ABHD6: variants seen among roughly 807,000 people sequenced by gnomAD.
The protein encoded by ABHD6 is abhydrolase domain containing 6, acylglycerol lipase.
ABHD6 carries 33 observed loss-of-function variants against 38.8 expected under a neutral mutation model. The ratio of observed to expected loss-of-function variants is 0.85; its 90% CI spans 0.64 to 1.14. The LOEUF (loss-of-function observed/expected upper bound fraction) is 1.14. Ranked by LOEUF, ABHD6 falls within the 50% of genes most tolerant of loss-of-function variation. The pLI is 0.00. For missense variants in ABHD6, 380 were observed against 422.6 expected (o/e 0.90, Z 0.88); for synonymous variants, 147 against 161.6 (o/e 0.91, Z 0.69).
chr3:58,257,820 A>C lies in ABHD6; in HGVS notation c.119+1115A>C, dbSNP rs912025466. ...TCATTAGTAAAGAAGTGACAGAAAG[A>C]AAAAGAAGTTTCCAAAATATGTCAT... On this transcript the variant is annotated intron_variant, in intron 3 of 9. Transcript: ENST00000478253. The surrounding 1 kb of genome is among the most constrained non-coding windows in gnomAD (Gnocchi z 4.8). 1.3e-5 allele frequency among the ~76,000 whole-genome samples: 2 copies of C among 152,248 alleles called. No homozygotes were observed. The highest frequency in any genetic ancestry group is 4.8e-5 in the African/African-American group (2 of 41,468).
chr3:58,283,820 G>T (rs562502312), intron 7 of ABHD6, among the ~76,000 whole-genome samples: 1 of 152,328 alleles, frequency 6.6e-6, no homozygotes, highest in East Asian at 1.9e-4. Flanking sequence ...GACACAAGAT[G>T]AATAGATATG....
In ABHD6 at chr3:58,293,977, A is replaced by G. The variant is rs978676588; in HGVS notation, c.*212A>G. ...GATATTTTTCACAAAATAGAAACTC[A>G]TATGGAACAAAATAAGAAACCCCAG... On this transcript the variant is annotated 3_prime_UTR_variant, in exon 10 of 10. Transcript: ENST00000478253. The surrounding 1 kb of genome is among the most constrained non-coding windows in gnomAD (Gnocchi z 4.4). 4 of 467,552 alleles carry G rather than the reference A, an allele frequency of 8.6e-6. No individual in the cohort carries two copies. Among genetic ancestry groups the G allele is most frequent in the Non-Finnish European group, 1.1e-5 (3 of 269,556 alleles). 29.0% of individuals were successfully genotyped at this position (467,552 alleles called of 1,614,324 possible).
rs1331269719 is a variant in ABHD6, at chr3:58,251,048, A to G, written c.-26+1106A>G. On this transcript the variant is annotated intron_variant, in intron 2 of 9. Coordinates refer to ENST00000478253, the MANE Select transcript of ABHD6 (RefSeq NM_001320126.2). The surrounding 1 kb of genome is among the most constrained non-coding windows in gnomAD (Gnocchi z 5.4). ...AGAAATCAGTAAGTCGGCTAGGTGC[A>G]GAAGCTTGCGCCTGTAATCCCAGCA... Among the ~76,000 whole-genome samples, 1 of 152,136 alleles carries G rather than the reference A, an allele frequency of 6.6e-6. No individual in the cohort carries two copies. The highest frequency in any genetic ancestry group is 1.5e-5 in the Non-Finnish European group (1 of 68,026).
At chr3:58,243,150 T>C (rs2097424035) in intron 1 of ABHD6, among the ~76,000 whole-genome samples, 1 of 152,208 alleles carries the variant, frequency 6.6e-6, no homozygotes, top group African/African-American at 2.4e-5. Context: ...GTTCCAAGTC[T>C]TTGCTATTGT....
intron 1 of ABHD6, among the ~76,000 whole-genome samples, chr3:58,247,643 C>T (rs1392247405): frequency 6.6e-6 from 1 of 152,156 alleles, no homozygotes; most frequent in Admixed American, 6.5e-5. Context: ...ATGGCACAGT[C>T]TCGGCTCATT....
chr3:58,275,292 T>C (rs1237774436), intron 7 of ABHD6, among the ~76,000 whole-genome samples: 1 of 146,998 alleles, frequency 6.8e-6, no homozygotes, highest in African/African-American at 2.5e-5. Context: ...TCAGAGATAC[T>C]CAATTGAAAA....
At chr3:58,246,284 C>T (rs770608787) in intron 1 of ABHD6, among the ~76,000 whole-genome samples, 1 of 152,212 alleles carries the variant, frequency 6.6e-6, no homozygotes, top group Non-Finnish European at 1.5e-5. Flanking sequence ...AGACTATCAC[C>T]ACAGCCCCCA....
Position 58,285,285 on chromosome 3 carries a change from C to G in ABHD6, c.737-68C>G, listed in dbSNP as rs1299436775. ...GGTGGCCTGGATCTGGTGACTATCC[C>G]TTGATTCTGCGGTGGTGCCACAGGC... On this transcript the variant is annotated intron_variant, in intron 8 of 9. Transcript: ENST00000478253. This position sits in a 1 kb window ranked among gnomAD's most constrained non-coding sequence, Gnocchi z 4.9. 4 of 1,558,478 alleles carry G rather than the reference C, an allele frequency of 2.6e-6. No homozygotes were observed. Among genetic ancestry groups the G allele is most frequent in the Non-Finnish European group, 3.5e-6 (4 of 1,129,976 alleles).
In ABHD6 at chr3:58,267,908, C is replaced by T. The variant is rs1445663836; in HGVS notation, c.276+563C>T. 2.6e-5 allele frequency among the ~76,000 whole-genome samples: 4 copies of T among 151,632 alleles called. No individual in the cohort carries two copies. In the South Asian group the frequency reaches 6.3e-4, roughly 24 times the overall value. The stretch of plus-strand genomic sequence containing the variant: ...CAGCCTGGGCAACATAGGGAGACTC[C>T]GTCTCTACAAAAAAATTAGCCAGGC... On this transcript the variant is annotated intron_variant, in intron 4 of 9. Coordinates refer to ENST00000478253, the MANE Select transcript of ABHD6 (RefSeq NM_001320126.2). The surrounding 1 kb of genome is among the most constrained non-coding windows in gnomAD (Gnocchi z 4.3).
chr3:58,291,204 C>T (rs1296589795), intron 9 of ABHD6, among the ~76,000 whole-genome samples: 5 of 150,438 alleles, frequency 3.3e-5, no homozygotes, highest in Non-Finnish European at 5.9e-5. Flanking sequence ...CAGTGAAACC[C>T]GTCTCCACCA....
chr3:58,258,463 A>G (rs1263862804), intron 3 of ABHD6: 4 of 357,136 alleles, frequency 1.1e-5, no homozygotes, highest in Non-Finnish European at 2.3e-5. Flanking sequence ...TTGGAATCAG[A>G]AGGTTAACAG....
At chr3:58,274,387 C>T (rs996187005) in intron 6 of ABHD6, among the ~76,000 whole-genome samples, 3 of 152,158 alleles carry the variant, frequency 2.0e-5, no homozygotes, top group Admixed American at 2.0e-4. Flanking sequence ...GGAGGAGCAG[C>T]GTCTGCATTT....
chr3:58,269,524 C>T lies in ABHD6; in HGVS notation c.390+90C>T. The T allele has an allele frequency of 2.1e-6, 2 of 970,334 alleles. No individual in the cohort carries two copies. The highest frequency in any genetic ancestry group is 2.6e-5 in the East Asian group (1 of 38,138). 60.1% of individuals were successfully genotyped at this position (970,334 alleles called of 1,614,324 possible). On this transcript the variant is annotated intron_variant, in intron 5 of 9. Coordinates refer to ENST00000478253, the MANE Select transcript of ABHD6 (RefSeq NM_001320126.2). The surrounding 1 kb of genome is among the most constrained non-coding windows in gnomAD (Gnocchi z 4.4). ...GGAGAGCAGGGAAGGGAGTCCTGTG[C>T]TACCTCATGACCAGTCTCCTGTACA... is the stretch of plus-strand genomic sequence containing the variant.
intron 7 of ABHD6, among the ~76,000 whole-genome samples, chr3:58,283,584 C>T (rs367720690): frequency 6.6e-6 from 1 of 152,128 alleles, no homozygotes; most frequent in East Asian, 1.9e-4. Context: ...TGGGTAGATG[C>T]AGGATAGATT....
intron 6 of ABHD6, among the ~76,000 whole-genome samples, chr3:58,271,773 T>TTTTTG (rs2097445192): frequency 7.5e-6 from 1 of 133,708 alleles, no homozygotes; most frequent in East Asian, 2.3e-4. Context: ...TCTGTTTTTT[T>TTTTTG]TTTTTTTTTT....
Position 58,286,850 on chromosome 3 carries a change from G to GTATATA in ABHD6, c.837+1398_837+1399insATATAT, listed in dbSNP as rs1221165191. ...TGTGTGTGTGTGTGTGTGTGTGTGTGTGTATATATATATATATATGTATAT... is the reference window on the plus strand; with the variant it reads ...TGTGTGTGTGTGTGTGTGTGTGTGTGTATATATGTATATATATATATATATGTATAT... On this transcript the variant is annotated intron_variant, in intron 9 of 9. Coordinates refer to ENST00000478253, the MANE Select transcript of ABHD6 (RefSeq NM_001320126.2). 7.8e-4 allele frequency among the ~76,000 whole-genome samples: 57 copies of GTATATA among 72,822 alleles called. 3 individuals are homozygous for GTATATA. In the East Asian group the frequency reaches 9.8e-3, roughly 12 times the overall value. 47.8% of individuals were successfully genotyped at this position (72,822 alleles called of 152,430 possible). A position where few individuals can be genotyped will look rare whatever the true frequency, so the allele number is the denominator to read the frequency against.
intron 7 of ABHD6, among the ~76,000 whole-genome samples, chr3:58,281,845 G>A (rs1467627908): frequency 1.3e-5 from 2 of 152,208 alleles, no homozygotes; most frequent in Admixed American, 6.5e-5. Flanking sequence ...GCCGGGTGCG[G>A]TGGTTCATGC....
At position 58,293,895 on chromosome 3, in the gene ABHD6, C is replaced by T; in HGVS notation, c.*130C>T. 1 of 1,021,254 alleles carries T rather than the reference C, an allele frequency of 9.8e-7. No homozygotes were observed. The highest frequency in any genetic ancestry group is 1.4e-6 in the Non-Finnish European group (1 of 721,496). The allele number at this position is 1,021,254 out of a possible 1,614,324, so 63.3% of individuals were successfully genotyped here. A position where few individuals can be genotyped will look rare whatever the true frequency, so the allele number is the denominator to read the frequency against. On this transcript the variant is annotated 3_prime_UTR_variant, in exon 10 of 10. Transcript: ENST00000478253. This position sits in a 1 kb window ranked among gnomAD's most constrained non-coding sequence, Gnocchi z 4.4. The stretch of plus-strand genomic sequence containing the variant: ...CCAGTGACCCTGAGGAAGCCCGTCC[C>T]TTATCCCTGGTATCCACGGTTCCCC...
intron 5 of ABHD6, among the ~76,000 whole-genome samples, chr3:58,270,209 T>G (rs2097443867): frequency 6.6e-6 from 1 of 152,162 alleles, no homozygotes; most frequent in African/African-American, 2.4e-5. Flanking sequence ...TGGGTAGTTA[T>G]ATGAATGGAT....
Sources: allele counts gnomAD v4.1 joint callset (sites outside exome capture counted in the v4.1 genomes callset), GRCh38; gene constraint gnomAD v4.1.1; non-coding constraint Gnocchi (gnomAD v3.1); transcripts MANE v1.5; gene names NCBI Gene and HGNC (gene_info 2026-07-23, HGNC 2026-07-21).